The following MAPT variants were observed in gnomAD, a reference collection of about 807,000 sequenced individuals.
MAPT encodes microtubule-associated protein tau.
Under a neutral mutation model 67.9 loss-of-function variants are expected in MAPT, and 34 were observed. The ratio of observed to expected loss-of-function variants is 0.50; its 90% confidence interval spans 0.38 to 0.67. The LOEUF (loss-of-function observed/expected upper bound fraction) is 0.67. Among genes scored for constraint, MAPT ranks in the 30% least tolerant of loss-of-function variants. MAPT has a pLI of 0.00. For missense variants in MAPT, 881 were observed against 1,115.2 expected (o/e 0.79, Z 2.99); for synonymous variants, 456 against 464.5 (o/e 0.98, Z 0.23).
At chr17:46,023,885 G>A in intron 12 of MAPT, 71 bp from the exon 13 acceptor site, 1 of 1,316,850 alleles carries the variant, frequency 7.6e-7, no homozygotes, top group Non-Finnish European at 1.1e-6. Context: ...GCCAGGCCTG[G>A]CAGGGCAGTT....
chr17:45,957,839 A>C (rs559188207), intron 1 of MAPT, among the ~76,000 whole-genome samples: 2 of 151,182 alleles, frequency 1.3e-5, no homozygotes, highest in South Asian at 4.2e-4. Context: ...TCCCAGTGGA[A>C]CTTTGAGAAT....
intron 1 of MAPT, among the ~76,000 whole-genome samples, chr17:45,946,074 T>C (rs936859209): frequency 2.6e-5 from 4 of 151,974 alleles, no homozygotes; most frequent in African/African-American, 9.7e-5. Context: ...ACTACTCCTT[T>C]AAAGAATAAG....
chr17:45,987,143 G>T, intron 6 of MAPT, 48 bp downstream of exon 6: 1 of 1,554,960 alleles, frequency 6.4e-7, no homozygotes, highest in South Asian at 1.1e-5. Flanking sequence ...AGTTTACAGA[G>T]AAGCTGTGCT....
chr17:45,937,181 G>A (rs1418191492), intron 1 of MAPT, among the ~76,000 whole-genome samples: 1 of 152,154 alleles, frequency 6.6e-6, no homozygotes, highest in East Asian at 1.9e-4. Flanking sequence ...CTGTGCAGAG[G>A]TTGGAGCCAT....
intron 1 of MAPT, among the ~76,000 whole-genome samples, chr17:45,945,524 G>C (rs1384687286): frequency 2.0e-5 from 3 of 152,124 alleles, no homozygotes; most frequent in African/African-American, 7.2e-5. Context: ...AAAAGACAAA[G>C]CTTATTGGCT....
intron 1 of MAPT, among the ~76,000 whole-genome samples, chr17:45,911,796 T>C (rs1160082528): frequency 9.4e-5 from 14 of 148,522 alleles, no homozygotes; most frequent in Non-Finnish European, 2.0e-4. Context: ...AAAAAAGGCT[T>C]TCTTAAAGAG....
chr17:45,986,647 G>A (rs1568284924), intron 5 of MAPT, among the ~76,000 whole-genome samples: 1 of 152,206 alleles, frequency 6.6e-6, no homozygotes, highest in East Asian at 1.9e-4. Flanking sequence ...ACCCATCCAT[G>A]GAGTGGGGCT....
At position 45,897,395 on chromosome 17, in the gene MAPT, G is replaced by A. The variant is rs2063326351; in HGVS notation, c.-18+2709G>A. 6.6e-6 allele frequency: 1 copy of A among 152,308 alleles called. No individual in the cohort carries two copies. The highest frequency in any genetic ancestry group is 2.4e-5 in the African/African-American group (1 of 41,480). The allele number at this position is 152,308 out of a possible 1,614,324, so 9.4% of individuals were successfully genotyped here. On this transcript the variant is annotated intron_variant, in intron 1 of 12. Coordinates refer to ENST00000262410, the MANE Select transcript of MAPT (RefSeq NM_001377265.1). The surrounding 1 kb of genome is among the most constrained non-coding windows in gnomAD (Gnocchi z 5.0). ...GCGATTTCGCTCCATTTTGAAATGT[G>A]TTGGCGCTTTGGTGGGGCCGCTGCG...
At position 45,983,036 on chromosome 17, in the gene MAPT, C is replaced by A; in HGVS notation, c.457C>A (p.Gln153Lys). The A allele has an allele frequency of 1.3e-6, 2 of 1,504,078 alleles. No homozygotes were observed. The highest frequency in any genetic ancestry group is 1.3e-5 in the South Asian group (1 of 78,702). 93.2% of individuals were successfully genotyped at this position (1,504,078 alleles called of 1,614,324 possible). The change falls in exon 5 of 13, where the codon CAG becomes AAG. Residue 153 changes from glutamine (Q) to lysine (K), a missense_variant. Gln to Lys is a moderately conservative substitution (Grantham distance 53). Coordinates refer to ENST00000262410, the MANE Select transcript of MAPT (RefSeq NM_001377265.1). Reference sequence around the variant, plus strand: ...CGTCCCGCTGACCGCGAGCCTTCCTCAGCACCGTCCCGTTTGCCCAGCGCC... The same window carrying A: ...CGTCCCGCTGACCGCGAGCCTTCCTAAGCACCGTCCCGTTTGCCCAGCGCC... ...APVPLTASLP[Q>K]HRPVCPAPPP...
intron 2 of MAPT, among the ~76,000 whole-genome samples, chr17:45,968,947 G>A (rs185770442): frequency 6.6e-6 from 1 of 152,334 alleles, no homozygotes; most frequent in East Asian, 1.9e-4. Flanking sequence ...TTATACAGGG[G>A]AGAAAACTGA....
At chr17:45,956,882 AT>A (rs1260994431) in intron 1 of MAPT, among the ~76,000 whole-genome samples, 3 of 151,702 alleles carry the variant, frequency 2.0e-5, no homozygotes, top group Admixed American at 1.3e-4. Flanking sequence ...TTTGCTGAGA[AT>A]GATGGTTTCC....
chr17:45,986,250 G>A (rs1295867699), intron 5 of MAPT, among the ~76,000 whole-genome samples: 21 of 152,312 alleles, frequency 1.4e-4, no homozygotes, highest in African/African-American at 4.1e-4. Context: ...GGCTTGGCTC[G>A]TCTCAGAGCA....
At chr17:45,951,417 C>T (rs779779145) in intron 1 of MAPT, among the ~76,000 whole-genome samples, 8 of 152,168 alleles carry the variant, frequency 5.3e-5, no homozygotes, top group Non-Finnish European at 1.0e-4. Context: ...GTAGCGGCAG[C>T]AGTGATTGGA....
rs762104961 is a variant in MAPT at position 46,024,014 on chromosome 17, C to T, written c.2345C>T (p.Ala782Val). The change falls in exon 13 of 13, where the codon GCG becomes GTG. Residue 782 changes from alanine to valine, a missense_variant. By Grantham distance (64) the Ala-to-Val change is moderately conservative. Transcript: ENST00000262410. Reference sequence around the variant, plus strand: ...GCCAAAGCCAAGACAGACCACGGGGCGGAGATCGTGTACAAGTCGCCAGTG... The same window carrying T: ...GCCAAAGCCAAGACAGACCACGGGGTGGAGATCGTGTACAAGTCGCCAGTG... ...ENAKAKTDHG[A>V]EIVYKSPVVS... is the part of the protein sequence containing the mutation. The T allele has an allele frequency of 2.5e-6, 4 of 1,614,098 alleles. No homozygotes were observed. Among genetic ancestry groups the T allele is most frequent in the Non-Finnish European group, 3.4e-6 (4 of 1,180,030 alleles).
At chr17:46,020,535 G>A (rs557472370) in intron 12 of MAPT, among the ~76,000 whole-genome samples, 4 of 152,304 alleles carry the variant, frequency 2.6e-5, no homozygotes, top group Admixed American at 6.5e-5. Context: ...TTTTCACGCC[G>A]CTGATGAAGA....
In MAPT at chr17:46,024,288, T is replaced by A; in HGVS notation, c.*117T>A. 1 of 934,792 alleles carries A rather than the reference T, an allele frequency of 1.1e-6. No homozygotes were observed. The highest frequency in any genetic ancestry group is 1.7e-6 in the Non-Finnish European group (1 of 597,810). 57.9% of individuals were successfully genotyped at this position (934,792 alleles called of 1,614,324 possible). ...CCCCAGCTGCTCCTCGCAGTTCGGT[T>A]AATTGGTTAATCACTTAACCTGCTT... is the stretch of plus-strand genomic sequence containing the variant. On this transcript the variant is annotated 3_prime_UTR_variant, in exon 13 of 13. Transcript: ENST00000262410.
rs1384702527 is a variant in MAPT at position 45,983,344 on chromosome 17, C to T, written c.765C>T (p.Gly255=). ...PSGTGPEDTE[G]GRHAPELLKH... ...GGACAGGACCTGAGGACACAGAGGGCGGCCGCCACGCCCCTGAGCTGCTCA... is the reference window on the plus strand; with the variant it reads ...GGACAGGACCTGAGGACACAGAGGGTGGCCGCCACGCCCCTGAGCTGCTCA... The change falls in exon 5 of 13, where the codon GGC becomes GGT. Residue 255 remains glycine, a synonymous_variant. Coordinates refer to ENST00000262410, the MANE Select transcript of MAPT (RefSeq NM_001377265.1). The T allele has an allele frequency of 3.7e-6, 6 of 1,601,548 alleles. No individual in the cohort carries two copies. The highest frequency in any genetic ancestry group is 1.3e-5 in the African/African-American group (1 of 74,768).
chr17:45,934,703 T>C (rs920591268), intron 1 of MAPT, among the ~76,000 whole-genome samples: 1 of 152,182 alleles, frequency 6.6e-6, no homozygotes, highest in South Asian at 2.1e-4. Context: ...TCTGAGATGG[T>C]GGTGCAGCGG....
chr17:45,986,546 G>T lies in MAPT; in HGVS notation c.1352-494G>T, dbSNP rs372389435. ...CAGGGCCAAGCCTGGCTGCAGTGTGGAGACAATGCACCCACCCCCATCCTT... is the reference window on the plus strand; with the variant it reads ...CAGGGCCAAGCCTGGCTGCAGTGTGTAGACAATGCACCCACCCCCATCCTT... On this transcript the variant is annotated intron_variant, in intron 5 of 12. Coordinates refer to ENST00000262410, the MANE Select transcript of MAPT (RefSeq NM_001377265.1). Among the ~76,000 whole-genome samples, 61 of 152,336 alleles carry T rather than the reference G, an allele frequency of 4.0e-4. 1 individual carries two copies. The South Asian group carries it at 0.013, about 32-fold the overall frequency.
Sources: allele counts gnomAD v4.1 joint callset (sites outside exome capture counted in the v4.1 genomes callset), GRCh38; gene constraint gnomAD v4.1.1; non-coding constraint Gnocchi (gnomAD v3.1); transcripts MANE v1.5; gene names NCBI Gene and HGNC (gene_info 2026-07-23, HGNC 2026-07-21).